VRK2: variants seen among roughly 807,000 people sequenced by gnomAD.
VRK2 encodes VRK serine/threonine kinase 2.
In VRK2, 60 loss-of-function variants were observed where a neutral mutation model predicts 57.6. The ratio of observed to expected loss-of-function variants is 1.04; its 90% CI spans 0.85 to 1.29. VRK2 has a LOEUF of 1.29. Among genes scored for constraint, VRK2 ranks in the 50% most tolerant of loss-of-function variants. The probability of loss-of-function intolerance (pLI) is 0.00; values close to 1 mark genes in which losing one functional copy is unlikely to be tolerated. For missense variants in VRK2, 705 were observed against 588.1 expected, an observed-to-expected ratio of 1.20 and a Z score of -2.06; for synonymous variants, 231 against 199.2, an observed-to-expected ratio of 1.16 and a Z score of -1.35.
At chr2:58,038,712 C>CT (rs1203983636) in intron 3 of VRK2, among the ~76,000 whole-genome samples, 8 of 152,096 alleles carry the variant, frequency 5.3e-5, no homozygotes, top group Non-Finnish European at 1.2e-4. Context: ...TATATGCCTA[C>CT]AAGTCTAACT....
At chr2:58,108,501 CCTTT>C (rs940954805) in intron 7 of VRK2, among the ~76,000 whole-genome samples, 21 of 151,962 alleles carry the variant, frequency 1.4e-4, no homozygotes, top group African/African-American at 3.4e-4. Flanking sequence ...CTGATGCAAA[CCTTT>C]CTTTCTTTCT....
Position 58,103,981 on chromosome 2 carries a change from T to C in VRK2, c.543+14258T>C, listed in dbSNP as rs1255416360. ...AGCAGAATTAAAAACAAAAACCATA[T>C]GATTATACATGCAGAAAAAAAGCAT... On this transcript the variant is annotated intron_variant, in intron 7 of 12. Coordinates refer to ENST00000340157, the MANE Select transcript of VRK2 (RefSeq NM_006296.7). 2.6e-5 allele frequency among the ~76,000 whole-genome samples: 4 copies of C among 151,710 alleles called. No homozygotes were observed. The East Asian group carries it at 7.7e-4, about 29-fold the overall frequency.
At chr2:58,094,917 G>A (rs13424099) in intron 7 of VRK2, among the ~76,000 whole-genome samples, 11,632 of 152,168 alleles carry the variant, frequency 0.076, 474 homozygotes, top group South Asian at 0.13. Flanking sequence ...GATTGGACTA[G>A]TAGTTCCCTG....
At chr2:57,986,902 A>T (rs900138592) in intron 1 of VRK2, among the ~76,000 whole-genome samples, 1 of 152,178 alleles carries the variant, frequency 6.6e-6, no homozygotes. Flanking sequence ...CCCAGCCTCA[A>T]TTGATTTTTG....
At position 57,986,801 on chromosome 2, in the gene VRK2, G is replaced by T. The variant is rs961965607; in HGVS notation, c.-438-38864G>T. On this transcript the variant is annotated intron_variant, in intron 1 of 15. Coordinates refer to the VRK2 transcript ENST00000417641. ...ATTAGTAGAGACAGTGTTTTACCATGTTGGCCAGGCTGGTCTCGAACTCCT... is the reference window on the plus strand; with the variant it reads ...ATTAGTAGAGACAGTGTTTTACCATTTTGGCCAGGCTGGTCTCGAACTCCT... Among the ~76,000 whole-genome samples, 13 of 152,146 alleles carry T rather than the reference G, an allele frequency of 8.5e-5. No homozygotes were observed. The East Asian group carries it at 2.5e-3, about 29-fold the overall frequency.
chr2:58,087,954 T>TCCA (rs1308986470), intron 5 of VRK2, among the ~76,000 whole-genome samples: 1 of 152,050 alleles, frequency 6.6e-6, no homozygotes, highest in Non-Finnish European at 1.5e-5. Flanking sequence ...ACCACTGCAC[T>TCCA]CCAGCCTGGT....
chr2:58,159,392 C>CTT lies in VRK2; in HGVS notation c.1228_1229dup (p.Leu410PhefsTer2). 1 of 1,612,930 alleles carries CTT rather than the reference C, an allele frequency of 6.2e-7. No individual in the cohort carries two copies. The highest frequency in any genetic ancestry group is 8.5e-7 in the Non-Finnish European group (1 of 1,179,526). ...CAGAAATATCAAGAGTCTCAAGAAC[C>CTT]TTTGAATGAAGTAAACAGTTTCCCA... On this transcript the variant is annotated frameshift_variant, in exon 13 of 13. Coordinates refer to ENST00000340157, the MANE Select transcript of VRK2 (RefSeq NM_006296.7). LOFTEE classifies it low-confidence loss of function (END_TRUNC).
At chr2:57,962,051 T>C (rs1406678944) in intron 1 of VRK2, among the ~76,000 whole-genome samples, 1 of 152,188 alleles carries the variant, frequency 6.6e-6, no homozygotes, top group African/African-American at 2.4e-5. Context: ...CACTCCAACC[T>C]GGGCAACAGA....
intron 7 of VRK2, among the ~76,000 whole-genome samples, chr2:58,120,169 A>AT (rs1274870288): frequency 1.8e-4 from 13 of 71,494 alleles, no homozygotes; most frequent in South Asian, 7.7e-4. Flanking sequence ...CTTTTTGTCT[A>AT]TTTTTTTTTC....
At chr2:58,080,980 A>G (rs1434086956) in intron 2 of VRK2, among the ~76,000 whole-genome samples, 1 of 151,962 alleles carries the variant, frequency 6.6e-6, no homozygotes, top group Non-Finnish European at 1.5e-5. Flanking sequence ...ATTTAGATCT[A>G]ATACCTAATG....
At chr2:57,996,094 G>A (rs923454955) in intron 1 of VRK2, among the ~76,000 whole-genome samples, 1 of 152,078 alleles carries the variant, frequency 6.6e-6, no homozygotes, top group Non-Finnish European at 1.5e-5. Context: ...TAGAGCATAC[G>A]GGTGATGTGC....
intron 2 of VRK2, among the ~76,000 whole-genome samples, chr2:58,081,699 T>C (rs969192445): frequency 3.3e-5 from 5 of 151,926 alleles, no homozygotes; most frequent in African/African-American, 1.2e-4. Flanking sequence ...TTTTTCTACA[T>C]TGTGTATTGT....
intron 1 of VRK2, among the ~76,000 whole-genome samples, chr2:58,017,094 G>A (rs1673607949): frequency 6.6e-6 from 1 of 152,044 alleles, no homozygotes; most frequent in African/African-American, 2.4e-5. Context: ...TGAGCACTAC[G>A]AGAATTTCTG....
chr2:58,028,442 A>G (rs1025094237), intron 2 of VRK2: 1 of 152,140 alleles, frequency 6.6e-6, no homozygotes, highest in Non-Finnish European at 1.5e-5. Context: ...GTGTCTTTAT[A>G]GCACCATGAT....
chr2:57,978,289 G>T (rs558482669), intron 1 of VRK2, among the ~76,000 whole-genome samples: 2 of 150,948 alleles, frequency 1.3e-5, no homozygotes, highest in East Asian at 3.9e-4. Flanking sequence ...GTTACAGATG[G>T]ACATAGTCAG....
intron 1 of VRK2, among the ~76,000 whole-genome samples, chr2:57,942,220 G>A (rs1671117914): frequency 6.6e-6 from 1 of 152,162 alleles, no homozygotes; most frequent in African/African-American, 2.4e-5. Context: ...GTGTTTTACT[G>A]ACTCATTCTG....
chr2:58,147,244 C>T, intron 12 of VRK2: 1 of 514,144 alleles, frequency 1.9e-6, no homozygotes, highest in South Asian at 1.4e-5. Context: ...AAATTAGAAG[C>T]ATAGTACTTA....
chr2:57,989,493 A>G (rs1436813106), intron 1 of VRK2, among the ~76,000 whole-genome samples: 1 of 152,214 alleles, frequency 6.6e-6, no homozygotes, highest in Non-Finnish European at 1.5e-5. Context: ...ATTGGTGATC[A>G]TATGACTTCA....
At chr2:57,919,549 G>A (rs893321143) in intron 1 of VRK2, among the ~76,000 whole-genome samples, 2 of 151,982 alleles carry the variant, frequency 1.3e-5, no homozygotes, top group Non-Finnish European at 2.9e-5. Flanking sequence ...TAAATATCAT[G>A]TGTAAACAAG....
Sources: allele counts gnomAD v4.1 joint callset (sites outside exome capture counted in the v4.1 genomes callset), GRCh38; gene constraint gnomAD v4.1.1; transcripts MANE v1.5; gene names NCBI Gene and HGNC (gene_info 2026-07-23, HGNC 2026-07-21).